Variants in NAV1 observed in about 807,000 individuals in gnomAD.
The protein encoded by NAV1 is neuron navigator 1, also known as pore membrane and/or filament interacting like protein 3.
In NAV1, 18 loss-of-function variants were observed where a neutral mutation model predicts 175.2. The ratio of observed to expected loss-of-function variants is 0.10; its 90% CI spans 0.07 to 0.15. The LOEUF (loss-of-function observed/expected upper bound fraction) is 0.15, where lower values mean the gene tolerates loss of function less well. Ranked by LOEUF, NAV1 falls within the 10% of genes least tolerant of loss-of-function variation. NAV1 has a pLI of 1.00. For synonymous variants in NAV1, 897 were observed against 978.7 expected (o/e 0.92, Z 1.56); for missense variants, 1,731 against 2,436.6 (o/e 0.71, Z 6.10).
At chr1:201,714,206 C>T (rs540307746) in intron 2 of NAV1, among the ~76,000 whole-genome samples, 2 of 152,326 alleles carry the variant, frequency 1.3e-5, no homozygotes, top group South Asian at 4.1e-4. Flanking sequence ...CCACCGCGCC[C>T]GGCCAACTCA....
intron 1 of NAV1, among the ~76,000 whole-genome samples, chr1:201,561,610 T>C (rs944714578): frequency 1.1e-4 from 16 of 152,244 alleles, no homozygotes; most frequent in Admixed American, 9.8e-4. Context: ...AGATTTTTCT[T>C]CTGAGTCCTT....
At chr1:201,800,865 G>C (rs1369917550) in intron 15 of NAV1, among the ~76,000 whole-genome samples, 4 of 106,864 alleles carry the variant, frequency 3.7e-5, no homozygotes, top group African/African-American at 1.5e-4. Flanking sequence ...CTCTCATTCT[G>C]TTGCCCTGGA....
rs1289273410 is a variant in NAV1 at position 201,782,529 on chromosome 1, C to G, written c.2017C>G (p.Leu673Val). The change falls in exon 6 of 30, where the codon CTG becomes GTG. Residue 673 changes from leucine to valine, a missense_variant. Leu to Val is a conservative substitution (Grantham distance 32). Coordinates refer to ENST00000367296, the Ensembl canonical transcript of NAV1. The surrounding 1 kb of genome is among the most constrained non-coding windows in gnomAD (Gnocchi z 5.4). ...CCGTTCTAACATCCAGTACCGCAGC[C>G]TGCCCCGGCCAGCCAAGTCAAGTTC... 2 of 1,611,734 alleles carry G rather than the reference C, an allele frequency of 1.2e-6. No individual in the cohort carries two copies. Among genetic ancestry groups the G allele is most frequent in the Non-Finnish European group, 1.7e-6 (2 of 1,177,986 alleles).
chr1:201,681,669 C>T (rs1384527724), intron 1 of NAV1, among the ~76,000 whole-genome samples: 7 of 152,202 alleles, frequency 4.6e-5, no homozygotes, highest in African/African-American at 1.7e-4. Context: ...AACATCTTAC[C>T]CATCCTTTAA....
At chr1:201,726,654 A>AC (rs1309663265) in intron 3 of NAV1, among the ~76,000 whole-genome samples, 1 of 151,748 alleles carries the variant, frequency 6.6e-6, no homozygotes, top group Non-Finnish European at 1.5e-5. Flanking sequence ...ATCTCAAAAA[A>AC]AAAAAAAAAA....
At chr1:201,601,145 G>T (rs1363315217) in intron 2 of NAV1, among the ~76,000 whole-genome samples, 1 of 152,192 alleles carries the variant, frequency 6.6e-6, no homozygotes, top group African/African-American at 2.4e-5. Context: ...CTCTAACATG[G>T]ATAGCTGCTG....
intron 1 of NAV1, 65 bp downstream of exon 5, chr1:201,649,490 GT>G: frequency 1.4e-5 from 20 of 1,444,748 alleles, no homozygotes; most frequent in Non-Finnish European, 1.7e-5. Flanking sequence ...TGGGGAAGGT[GT>G]GGGGAAAGCG....
chr1:201,664,401 G>A lies in NAV1; in HGVS notation c.757+14976G>A, dbSNP rs182979730. Among the ~76,000 whole-genome samples, 501 of 152,270 alleles carry A rather than the reference G, an allele frequency of 3.3e-3. 2 individuals are homozygous for A. The highest frequency in any genetic ancestry group is 0.011 in the African/African-American group (452 of 41,558). ...ATATTAACTAGCCATGAGATTCCGA[G>A]TCAATTAACCTCCCTGAGCTTCAGG... On this transcript the variant is annotated intron_variant, in intron 1 of 29. Transcript: ENST00000367296.
At chr1:201,597,907 G>C (rs1360155088) in intron 2 of NAV1, among the ~76,000 whole-genome samples, 2 of 152,236 alleles carry the variant, frequency 1.3e-5, no homozygotes, top group African/African-American at 2.4e-5. Flanking sequence ...CCAGAGAGCA[G>C]AGTCGGGGAA....
intron 1 of NAV1, among the ~76,000 whole-genome samples, chr1:201,652,656 C>T (rs1388721726): frequency 1.3e-5 from 2 of 152,144 alleles, no homozygotes; most frequent in African/African-American, 4.8e-5. Flanking sequence ...GACTCAGTTT[C>T]CTCATTTGTG....
At chr1:201,560,041 C>T (rs573769928) in intron 1 of NAV1, among the ~76,000 whole-genome samples, 1 of 152,140 alleles carries the variant, frequency 6.6e-6, no homozygotes, top group African/African-American at 2.4e-5. Flanking sequence ...GTAGGGCGGC[C>T]GAGGAAGTTC....
intron 15 of NAV1, chr1:201,794,898 G>A (rs955270966): frequency 3.7e-6 from 1 of 272,984 alleles, no homozygotes; most frequent in Non-Finnish European, 7.0e-6. Context: ...AATGTGTTGT[G>A]TGTCCACACA....
chr1:201,774,600 G>C lies in NAV1; in HGVS notation c.1227-5821G>C, dbSNP rs192224682. On this transcript the variant is annotated intron_variant, in intron 3 of 29. Coordinates refer to ENST00000367296, the Ensembl canonical transcript of NAV1. ...GAACCCAGGAGTTCATGACCAGCCC[G>C]GGCAACATAGCAAGACCCCATCTCA... is the stretch of plus-strand genomic sequence containing the variant. Among the ~76,000 whole-genome samples, 3 of 152,142 alleles carry C rather than the reference G, an allele frequency of 2.0e-5. No individual in the cohort carries two copies. In the South Asian group the frequency reaches 6.2e-4, roughly 32 times the overall value.
intron 2 of NAV1, among the ~76,000 whole-genome samples, chr1:201,594,116 T>G (rs1667285173): frequency 3.5e-5 from 5 of 143,362 alleles, no homozygotes; most frequent in South Asian, 2.2e-4. Flanking sequence ...TTGTGAAGAG[T>G]GAAAGAACAA....
At chr1:201,705,424 T>C (rs1671628563) in intron 1 of NAV1, among the ~76,000 whole-genome samples, 1 of 152,160 alleles carries the variant, frequency 6.6e-6, no homozygotes, top group African/African-American at 2.4e-5. Context: ...TGTGTCCCCA[T>C]GCAGCAAACA....
chr1:201,562,539 G>T (rs1011854267), intron 1 of NAV1, among the ~76,000 whole-genome samples: 11 of 152,180 alleles, frequency 7.2e-5, no homozygotes, highest in Non-Finnish European at 1.2e-4. Context: ...AGGGTTAGTG[G>T]GCCAGGCCCA....
upstream of NAV1, among the ~76,000 whole-genome samples, chr1:201,620,637 G>A (rs964795599): frequency 2.2e-4 from 34 of 151,566 alleles, no homozygotes; most frequent in African/African-American, 8.0e-4. Context: ...TAGTGTGTGT[G>A]TGTGTAATTT....
chr1:201,570,343 C>A (rs1029837695), intron 1 of NAV1, among the ~76,000 whole-genome samples: 3 of 152,236 alleles, frequency 2.0e-5, no homozygotes, highest in African/African-American at 4.8e-5. Context: ...GCCCTGAATT[C>A]TGTTCCTCTC....
rs999780042 is a variant in NAV1, at chr1:201,606,254, G to A, written c.-32-16599G>A. On this transcript the variant is annotated intron_variant, in intron 2 of 33. Transcript: ENST00000685211. ...CGACCAGGACCCTTGTGAAGGCAAG[G>A]ACTTGCACATTGCGAAACCTCCTCT... Among the ~76,000 whole-genome samples, 5 of 152,302 alleles carry A rather than the reference G, an allele frequency of 3.3e-5. No individual in the cohort carries two copies. The East Asian group carries it at 7.7e-4, about 24-fold the overall frequency.
Sources: allele counts gnomAD v4.1 joint callset (sites outside exome capture counted in the v4.1 genomes callset), GRCh38; gene constraint gnomAD v4.1.1; non-coding constraint Gnocchi (gnomAD v3.1); transcripts MANE v1.5; gene names NCBI Gene and HGNC (gene_info 2026-07-23, HGNC 2026-07-21).